LYRM1: variants seen among roughly 807,000 people sequenced by gnomAD.
LYRM1 encodes LYR motif containing 1, also known as LYR motif-containing protein 1.
Under a neutral mutation model 14.9 loss-of-function variants are expected in LYRM1, and 14 were observed. That is an observed-to-expected ratio of 0.94 (90% confidence interval 0.62 to 1.47). LYRM1 has a LOEUF of 1.47. Among genes scored for constraint, LYRM1 ranks in the 40% most tolerant of loss-of-function variants. The pLI, the probability that LYRM1 is intolerant of heterozygous loss-of-function variation, is 0.00. For missense variants in LYRM1, 153 were observed against 149.9 expected (o/e 1.02, Z -0.11); for synonymous variants, 43 against 56.2 (o/e 0.77, Z 1.05).
intron 2 of LYRM1, among the ~76,000 whole-genome samples, chr16:20,917,836 CTTTA>C (rs2082986759): frequency 6.6e-6 from 1 of 151,634 alleles, no homozygotes; most frequent in Non-Finnish European, 1.5e-5. Context: ...CTTTTTTCTT[CTTTA>C]TTTTATTTAT....
intron 1 of LYRM1, among the ~76,000 whole-genome samples, chr16:20,910,332 C>G (rs1028309673): frequency 4.6e-5 from 7 of 152,232 alleles, no homozygotes; most frequent in Non-Finnish European, 8.8e-5. Context: ...AGACCCTTCT[C>G]TCAGGAAATC....
intron 1 of LYRM1, among the ~76,000 whole-genome samples, 172 bp from the exon 2 acceptor site, chr16:20,915,384 C>T (rs995182589): frequency 8.7e-5 from 13 of 149,952 alleles, no homozygotes; most frequent in African/African-American, 3.2e-4. Context: ...GGCGTGAACC[C>T]GGGAGGCGGA....
At chr16:20,906,234 A>T (rs1019130952) in intron 1 of LYRM1, among the ~76,000 whole-genome samples, 1 of 152,210 alleles carries the variant, frequency 6.6e-6, no homozygotes, top group African/African-American at 2.4e-5. Context: ...CCCAGTGTGA[A>T]AAGGGCACCC....
At chr16:20,907,236 A>G (rs182299430) in intron 1 of LYRM1, among the ~76,000 whole-genome samples, 1 of 152,338 alleles carries the variant, frequency 6.6e-6, no homozygotes, top group East Asian at 1.9e-4. Context: ...CATAAAATCT[A>G]CCAGTGTCTT....
intron 1 of LYRM1, among the ~76,000 whole-genome samples, chr16:20,912,942 T>C (rs932784975): frequency 6.6e-6 from 1 of 151,882 alleles, no homozygotes; most frequent in Non-Finnish European, 1.5e-5. Context: ...GGTGCGCACC[T>C]GTAATCCCAG....
intron 1 of LYRM1, chr16:20,902,349 T>G (rs1596672275): frequency 6.6e-6 from 1 of 152,278 alleles, no homozygotes; most frequent in Admixed American, 6.5e-5. Flanking sequence ...TGTCAAGAAG[T>G]TAGATATACA....
At chr16:20,912,598 A>G (rs1287835685) in intron 1 of LYRM1, among the ~76,000 whole-genome samples, 1 of 152,006 alleles carries the variant, frequency 6.6e-6, no homozygotes, top group Non-Finnish European at 1.5e-5. Flanking sequence ...TTTAAAAAGG[A>G]AACACCTAAT....
upstream of LYRM1, chr16:20,900,116 C>G (rs1222676477): frequency 1.4e-5 from 2 of 144,640 alleles, no homozygotes; most frequent in African/African-American, 5.1e-5. Flanking sequence ...CTTTCCACCC[C>G]CCTTTCTCGA....
At chr16:20,908,798 T>G (rs1331117707) in intron 1 of LYRM1, among the ~76,000 whole-genome samples, 1 of 152,056 alleles carries the variant, frequency 6.6e-6, no homozygotes, top group East Asian at 1.9e-4. Flanking sequence ...TGTTTGATGG[T>G]GTGGGGTGGC....
chr16:20,903,794 G>A lies in LYRM1; in HGVS notation c.-1+2905G>A, dbSNP rs146828547. ...TTATTTATCAGAGAGTTGGATCAAG[G>A]GTCAGGTGCTAGAAAGCCCCAACTG... On this transcript the variant is annotated intron_variant, in intron 1 of 3. Transcript: ENST00000567954. Among the ~76,000 whole-genome samples the A allele has an allele frequency of 2.0e-3, 299 of 151,532 alleles. 2 individuals carry two copies. The highest frequency in any genetic ancestry group is 7.1e-3 in the African/African-American group (291 of 41,236).
intron 3 of LYRM1, among the ~76,000 whole-genome samples, chr16:20,923,676 T>A (rs1484550467): frequency 6.6e-6 from 1 of 152,112 alleles, no homozygotes; most frequent in African/African-American, 2.4e-5. Context: ...TCCATGCTCG[T>A]TTTTTCTCCT....
chr16:20,921,639 A>G (rs974353068), intron 3 of LYRM1: 4 of 151,770 alleles, frequency 2.6e-5, no homozygotes, highest in East Asian at 1.9e-4. Context: ...AGCTTAGGCA[A>G]TCTGCCCACC....
intron 1 of LYRM1, among the ~76,000 whole-genome samples, chr16:20,914,174 T>C (rs978577839): frequency 2.0e-5 from 3 of 151,986 alleles, no homozygotes; most frequent in African/African-American, 7.2e-5. Context: ...TTGAGAAATA[T>C]TTCCAAAAAG....
intron 2 of LYRM1, among the ~76,000 whole-genome samples, chr16:20,918,516 T>G (rs574120308): frequency 5.3e-5 from 8 of 152,198 alleles, no homozygotes; most frequent in African/African-American, 1.9e-4. Context: ...ATTTTAACAT[T>G]AGTATAAGTA....
chr16:20,915,443 G>C (rs1352495855), intron 1 of LYRM1, 113 bp from the exon 2 acceptor site: 5 of 1,014,232 alleles, frequency 4.9e-6, no homozygotes, highest in Non-Finnish European at 7.1e-6. Flanking sequence ...CTGGGCGACA[G>C]AGCAAGACTC....
At chr16:20,907,457 C>T (rs369679886) in intron 1 of LYRM1, among the ~76,000 whole-genome samples, 83 of 152,242 alleles carry the variant, frequency 5.5e-4, no homozygotes, top group Admixed American at 3.7e-3. Flanking sequence ...ATCACCTGGG[C>T]TCAAGGGATC....
At chr16:20,917,035 T>C (rs2082937779) in intron 2 of LYRM1, among the ~76,000 whole-genome samples, 1 of 145,404 alleles carries the variant, frequency 6.9e-6, no homozygotes, top group Admixed American at 6.9e-5. Flanking sequence ...CTGGGCAACA[T>C]AGCGAGTCCC....
intron 1 of LYRM1, among the ~76,000 whole-genome samples, chr16:20,910,040 G>C (rs949241325): frequency 6.6e-6 from 1 of 152,200 alleles, no homozygotes; most frequent in Non-Finnish European, 1.5e-5. Flanking sequence ...TGTGAGGGAA[G>C]CAGGAAGATT....
intron 1 of LYRM1, among the ~76,000 whole-genome samples, chr16:20,907,041 A>G (rs901515367): frequency 1.3e-5 from 2 of 152,218 alleles, no homozygotes; most frequent in Non-Finnish European, 2.9e-5. Context: ...GTGGTCAGTC[A>G]GGAAAATGAT....
Sources: gnomAD v4.1 joint callset for allele counts (sites outside exome capture counted in the v4.1 genomes callset) on GRCh38, gnomAD v4.1.1 for gene constraint, MANE v1.5 for transcripts, NCBI Gene and HGNC (gene_info 2026-07-23, HGNC 2026-07-21) for gene names.